CCDC181: variants seen among roughly 807,000 people sequenced by gnomAD.
CCDC181 encodes the protein coiled-coil domain containing 181.
In CCDC181, 35 loss-of-function variants were observed where a neutral mutation model predicts 58.7. That is an observed-to-expected ratio of 0.60 (90% confidence interval 0.46 to 0.79). CCDC181 has a LOEUF of 0.79. Among genes scored for constraint, CCDC181 ranks in the 30% least tolerant of loss-of-function variants. CCDC181 has a pLI of 0.00. For synonymous variants in CCDC181, 183 were observed against 197.5 expected, an observed-to-expected ratio of 0.93 and a Z score of 0.62; for missense variants, 517 against 583.9, an observed-to-expected ratio of 0.89 and a Z score of 1.18.
intron 4 of CCDC181, among the ~76,000 whole-genome samples, chr1:169,413,345 G>A (rs1047545634): frequency 7.2e-5 from 11 of 152,096 alleles, no homozygotes; most frequent in Admixed American, 1.3e-4. Flanking sequence ...TTAGAATGGC[G>A]ATCATTAAAA....
At chr1:169,440,800 G>A (rs999885503) in intron 2 of CCDC181, among the ~76,000 whole-genome samples, 1 of 151,922 alleles carries the variant, frequency 6.6e-6, no homozygotes, top group Non-Finnish European at 1.5e-5. Context: ...CAGGCATGGT[G>A]GAGCACACCT....
At chr1:169,420,859 G>A (rs28566091) in intron 3 of CCDC181, among the ~76,000 whole-genome samples, 18,406 of 152,082 alleles carry the variant, frequency 0.12, 1,171 homozygotes, top group Admixed American at 0.14. Flanking sequence ...GAGACATTTC[G>A]TTAAGAATAT....
exon 2 of CCDC181, chr1:169,459,828 C>T (rs1352230625): frequency 1.4e-5 from 2 of 145,806 alleles, no homozygotes; most frequent in Non-Finnish European, 3.0e-5. Context: ...TGTCAACCCT[C>T]CCAGAACATC....
At chr1:169,429,841 G>T (rs1431751519), upstream of CCDC181, among the ~76,000 whole-genome samples, 3 of 152,076 alleles carry the variant, frequency 2.0e-5, no homozygotes, top group Non-Finnish European at 4.4e-5. Context: ...TGTTTTTGTT[G>T]CGTTTGCTTT....
chr1:169,421,419 G>C lies in CCDC181; in HGVS notation c.1012C>G (p.Arg338Gly), dbSNP rs751919148. 8 of 1,613,082 alleles carry C rather than the reference G, an allele frequency of 5.0e-6. No homozygotes were observed. Among genetic ancestry groups the C allele is most frequent in the Non-Finnish European group, 5.9e-6 (7 of 1,179,784 alleles). ...PVTSTYCLSP[R>G]QKELQKQLEE... ...AGTTGTTTTTGTAGTTCTTTCTGTC[G>C]AGGGGAAAGACAGTATGTTGAAGTC... The change falls in exon 3 of 6, where the codon CGA (arginine) becomes GGA (glycine). Residue 338 changes from arginine to glycine, a missense_variant. Transcript: ENST00000367806.
chr1:169,430,752 C>T (rs1656897603), upstream of CCDC181, among the ~76,000 whole-genome samples: 1 of 152,074 alleles, frequency 6.6e-6, no homozygotes, highest in Non-Finnish European at 1.5e-5. Flanking sequence ...GTACACTCCA[C>T]AATGTGGCAA....
At chr1:169,458,473 A>G (rs1657742678) in intron 2 of CCDC181, among the ~76,000 whole-genome samples, 1 of 152,178 alleles carries the variant, frequency 6.6e-6, no homozygotes, top group African/African-American at 2.4e-5. Flanking sequence ...AAAAAGGCAC[A>G]CAGGGGAAAT....
chr1:169,432,283 A>C (rs965031643), upstream of CCDC181, among the ~76,000 whole-genome samples: 1 of 152,188 alleles, frequency 6.6e-6, no homozygotes, highest in African/African-American at 2.4e-5. Context: ...AAGACAATTG[A>C]AATTGTTGTA....
intron 4 of CCDC181, among the ~76,000 whole-genome samples, chr1:169,398,007 C>A (rs1013880916): frequency 4.6e-5 from 7 of 152,106 alleles, no homozygotes; most frequent in African/African-American, 1.7e-4. Context: ...TTGTTTGTAA[C>A]CCACATTGCC....
intron 4 of CCDC181, among the ~76,000 whole-genome samples, chr1:169,404,637 A>G (rs531580553): frequency 6.6e-6 from 1 of 152,356 alleles, no homozygotes; most frequent in African/African-American, 2.4e-5. Context: ...CTCTCAATGA[A>G]CTAAGTATTG....
intron 2 of CCDC181, among the ~76,000 whole-genome samples, chr1:169,443,990 C>G (rs1657304377): frequency 6.6e-6 from 1 of 152,050 alleles, no homozygotes; most frequent in African/African-American, 2.4e-5. Flanking sequence ...ATAAAATTTG[C>G]CTGTGGTTAA....
At position 169,425,013 on chromosome 1, in the gene CCDC181, A is replaced by C. The variant is rs914329379; in HGVS notation, c.-23-63T>G. ...ACTCTAGAGGAGGAATGGAGTATGGAGATTAATGCTGTAGGTAAGCTAATT... is the reference window on the plus strand; with the variant it reads ...ACTCTAGAGGAGGAATGGAGTATGGCGATTAATGCTGTAGGTAAGCTAATT... On this transcript the variant is annotated intron_variant, in intron 1 of 5. Transcript: ENST00000367806. 3 of 666,048 alleles carry C rather than the reference A, an allele frequency of 4.5e-6. No individual in the cohort carries two copies. The East Asian group carries it at 7.8e-5, about 17-fold the overall frequency. The allele number at this position is 666,048 out of a possible 1,614,324, so 41.3% of individuals were successfully genotyped here.
Position 169,399,285 on chromosome 1 carries a change from T to C in CCDC181, c.1216-1894A>G, listed in dbSNP as rs1005574778. Among the ~76,000 whole-genome samples the C allele has an allele frequency of 3.3e-5, 5 of 151,994 alleles. No homozygotes were observed. In the South Asian group the frequency reaches 6.2e-4, roughly 19 times the overall value. Reference sequence around the variant, plus strand: ...TAACAGCCCAGCCAACAGAAGAAAATAGTGGTTTAGATTAGGGTAGTGGGA... The same window carrying C: ...TAACAGCCCAGCCAACAGAAGAAAACAGTGGTTTAGATTAGGGTAGTGGGA... On this transcript the variant is annotated intron_variant, in intron 4 of 5. Coordinates refer to ENST00000367806, the MANE Select transcript of CCDC181 (RefSeq NM_001300969.2).
chr1:169,418,505 TA>T (rs1159387876), intron 4 of CCDC181, among the ~76,000 whole-genome samples: 1 of 151,824 alleles, frequency 6.6e-6, no homozygotes, highest in Non-Finnish European at 1.5e-5. Context: ...TCTTTTTTTT[TA>T]AATTTTATTA....
Position 169,421,348 on chromosome 1 carries a change from C to T in CCDC181, c.1068+15G>A. ...CATACTCTACTTTTAATATAATGCC[C>T]ACTTAGGTTCTCACCTCTCTTTTCA... On this transcript the variant is annotated intron_variant, in intron 3 of 5. Coordinates refer to ENST00000367806, the MANE Select transcript of CCDC181 (RefSeq NM_001300969.2). The T allele has an allele frequency of 6.4e-7, 1 of 1,556,410 alleles. No homozygotes were observed. The highest frequency in any genetic ancestry group is 1.1e-5 in the South Asian group (1 of 88,112).
rs533984458 is a variant in CCDC181 at position 169,401,967 on chromosome 1, C to T, written c.1216-4576G>A. Reference sequence around the variant, plus strand: ...AGTGTAGAGGAGACCTTAAATGACCCGATGGAGCTGAAAACCATGGCACAA... The same window carrying T: ...AGTGTAGAGGAGACCTTAAATGACCTGATGGAGCTGAAAACCATGGCACAA... On this transcript the variant is annotated intron_variant, in intron 4 of 5. Transcript: ENST00000367806. Among the ~76,000 whole-genome samples the T allele has an allele frequency of 7.9e-5, 12 of 152,096 alleles. No individual in the cohort carries two copies. The South Asian group carries it at 1.7e-3, about 21-fold the overall frequency.
intron 2 of CCDC181, among the ~76,000 whole-genome samples, chr1:169,440,268 G>A (rs1657178598): frequency 1.3e-5 from 2 of 152,218 alleles, no homozygotes; most frequent in Admixed American, 6.5e-5. Flanking sequence ...TGGATCCATC[G>A]CTGGAGGCGG....
At position 169,419,165 on chromosome 1, in the gene CCDC181, A is replaced by T; in HGVS notation, c.1069-6T>A. 1 of 1,574,476 alleles carries T rather than the reference A, an allele frequency of 6.4e-7. No homozygotes were observed. The highest frequency in any genetic ancestry group is 8.6e-7 in the Non-Finnish European group (1 of 1,158,100). Reference sequence around the variant, plus strand: ...TCTATTTTTCGTCGCTCTTCCTAGTAAAAGAATATGAAAAGACATTAATGG... The same window carrying T: ...TCTATTTTTCGTCGCTCTTCCTAGTTAAAGAATATGAAAAGACATTAATGG... On this transcript the variant is annotated splice_polypyrimidine_tract_variant and splice_region_variant and intron_variant, in intron 3 of 5. Coordinates refer to ENST00000367806, the MANE Select transcript of CCDC181 (RefSeq NM_001300969.2).
At chr1:169,448,826 A>G (rs372617233) in intron 2 of CCDC181, among the ~76,000 whole-genome samples, 215 of 152,198 alleles carry the variant, frequency 1.4e-3, no homozygotes, top group African/African-American at 4.9e-3. Context: ...ATTGTTCCAC[A>G]GTTCTTGGGT....
Sources: gnomAD v4.1 joint callset for allele counts (sites outside exome capture counted in the v4.1 genomes callset) on GRCh38, gnomAD v4.1.1 for gene constraint, MANE v1.5 for transcripts, NCBI Gene and HGNC (gene_info 2026-07-23, HGNC 2026-07-21) for gene names.